HMGCLL1: variants seen among roughly 807,000 people sequenced by gnomAD.
HMGCLL1 encodes the protein 3-hydroxymethyl-3-methylglutaryl-CoA lyase, cytoplasmic.
Under a neutral mutation model 39.1 loss-of-function variants are expected in HMGCLL1, and 36 were observed. That is an observed-to-expected ratio of 0.92 (90% CI 0.71 to 1.22). The LOEUF is 1.22. Ranked by LOEUF, HMGCLL1 falls within the 50% of genes most tolerant of loss-of-function variation. The probability of loss-of-function intolerance (pLI) is 0.00; values close to 1 mark genes in which losing one functional copy is unlikely to be tolerated. For missense variants in HMGCLL1, 451 were observed against 416.5 expected, an observed-to-expected ratio of 1.08 and a Z score of -0.72; for synonymous variants, 149 against 144.0, an observed-to-expected ratio of 1.03 and a Z score of -0.25.
rs1337590397 is a variant in HMGCLL1, at chr6:55,457,415, G to A, written c.796-17856C>T. On this transcript the variant is annotated intron_variant, in intron 7 of 8. Transcript: ENST00000274901. ...CACACAGAAATGAAAGACTTGTTAA[G>A]GAGGATTTTCCCTCCCCCCACATTT... Among the ~76,000 whole-genome samples, 4 of 152,206 alleles carry A rather than the reference G, an allele frequency of 2.6e-5. 1 individual carries two copies. Among genetic ancestry groups the A allele is most frequent in the Non-Finnish European group, 2.9e-5 (2 of 67,998 alleles).
chr6:55,503,379 A>G (rs1205674406), intron 5 of HMGCLL1, among the ~76,000 whole-genome samples: 2 of 151,762 alleles, frequency 1.3e-5, no homozygotes. Flanking sequence ...TTAAAATCCC[A>G]TTACTACACT....
the HMGCLL1 span, among the ~76,000 whole-genome samples, chr6:55,604,088 C>CT: frequency 4.6e-5 from 7 of 151,936 alleles, no homozygotes; most frequent in Admixed American, 6.6e-5. Context: ...TTTTCCTTCC[C>CT]TTTTTTTTCT....
the HMGCLL1 span, among the ~76,000 whole-genome samples, chr6:55,627,829 C>G: frequency 4.8e-5 from 6 of 124,406 alleles, no homozygotes; most frequent in South Asian, 1.4e-3. Flanking sequence ...AGATTGCAGA[C>G]AGCTTATTGT....
At chr6:55,483,726 C>G (rs1361405535) in intron 7 of HMGCLL1, among the ~76,000 whole-genome samples, 1 of 152,146 alleles carries the variant, frequency 6.6e-6, no homozygotes, top group Non-Finnish European at 1.5e-5. Flanking sequence ...TACTATTTTT[C>G]AAGTAGGAAA....
chr6:55,628,806 A>AG, the HMGCLL1 span, among the ~76,000 whole-genome samples: 1 of 152,138 alleles, frequency 6.6e-6, no homozygotes, highest in Non-Finnish European at 1.5e-5. Context: ...TTTTATAAGA[A>AG]GGAGTTTCCA....
intron 5 of HMGCLL1, 109 bp from the exon 6 acceptor site, chr6:55,499,408 T>C (rs1440113965): frequency 1.4e-6 from 1 of 717,790 alleles, no homozygotes; most frequent in African/African-American, 1.8e-5. Flanking sequence ...TATTTTGCAC[T>C]ATTACTTTAT....
At chr6:55,553,319 T>A (rs2127466087) in intron 1 of HMGCLL1, among the ~76,000 whole-genome samples, 1 of 150,632 alleles carries the variant, frequency 6.6e-6, no homozygotes, top group African/African-American at 2.4e-5. Context: ...ATGCCTGTAA[T>A]CCCAGCTACT....
intron 3 of HMGCLL1, among the ~76,000 whole-genome samples, chr6:55,528,772 C>T (rs967118494): frequency 1.3e-5 from 2 of 151,854 alleles, no homozygotes; most frequent in Middle Eastern, 3.2e-3. Flanking sequence ...CCTGTACTTC[C>T]TTATTCAGCA....
chr6:55,446,491 C>A (rs1429751032), intron 7 of HMGCLL1, among the ~76,000 whole-genome samples: 1 of 151,812 alleles, frequency 6.6e-6, no homozygotes, highest in Non-Finnish European at 1.5e-5. Context: ...GAGCTCTCTG[C>A]ATATGTGCTT....
At chr6:55,621,449 A>G in the HMGCLL1 span, among the ~76,000 whole-genome samples, 1 of 152,068 alleles carries the variant, frequency 6.6e-6, no homozygotes, top group Non-Finnish European at 1.5e-5. Context: ...TGCTCACATT[A>G]CCGCCTGAGC....
chr6:55,513,849 C>A, intron 5 of HMGCLL1, 199 bp downstream of exon 5: 1 of 540,430 alleles, frequency 1.9e-6, no homozygotes, highest in Non-Finnish European at 3.2e-6. Context: ...ATGACACATT[C>A]CACAAGCTAG....
At chr6:55,557,656 A>G (rs946935333) in intron 1 of HMGCLL1, among the ~76,000 whole-genome samples, 1 of 152,104 alleles carries the variant, frequency 6.6e-6, no homozygotes, top group African/African-American at 2.4e-5. Context: ...AATGTTGGGA[A>G]TGTGAGCAGG....
rs34168815 is a variant in HMGCLL1, at chr6:55,463,029, C to CT, written c.796-23471dup. Among the ~76,000 whole-genome samples, 72 of 136,324 alleles carry CT rather than the reference C, an allele frequency of 5.3e-4. 1 individual carries two copies. Among genetic ancestry groups the CT allele is most frequent in the Admixed American group, 8.2e-4 (11 of 13,434 alleles). The allele number at this position is 136,324 out of a possible 152,430, so 89.4% of individuals were successfully genotyped here. A position where few individuals can be genotyped will look rare whatever the true frequency, so the allele number is the denominator to read the frequency against. On this transcript the variant is annotated intron_variant, in intron 7 of 8. Coordinates refer to ENST00000274901, the MANE Select transcript of HMGCLL1 (RefSeq NM_001042406.2). ...GAGTCCAATCTTTTCTTTTTTCTTT[C>CT]TTTTTTTTTTTTTTTTTCTGAGATG...
At chr6:55,637,082 A>T in the HMGCLL1 span, among the ~76,000 whole-genome samples, 3 of 152,216 alleles carry the variant, frequency 2.0e-5, no homozygotes, top group Admixed American at 6.5e-5. Flanking sequence ...ATATTCAAGG[A>T]ATTCCTTCTA....
chr6:55,478,342 G>T (rs1173961546), intron 7 of HMGCLL1, among the ~76,000 whole-genome samples: 1 of 151,192 alleles, frequency 6.6e-6, no homozygotes, highest in African/African-American at 2.4e-5. Flanking sequence ...CTTTCGAACA[G>T]AATTTGGTAA....
At chr6:55,657,855 C>G in the HMGCLL1 span, among the ~76,000 whole-genome samples, 49,292 of 151,464 alleles carry the variant, frequency 0.33, 8,211 homozygotes, top group East Asian at 0.41. Context: ...GGAACCAAAA[C>G]ATGAGAACAC....
chr6:55,483,075 ATT>A (rs1358553544), intron 7 of HMGCLL1, among the ~76,000 whole-genome samples: 2 of 152,160 alleles, frequency 1.3e-5, no homozygotes, highest in African/African-American at 4.8e-5. Context: ...ACCAAATTTC[ATT>A]TTTATACAAA....
At chr6:55,555,692 A>T (rs1770614809) in intron 1 of HMGCLL1, among the ~76,000 whole-genome samples, 1 of 152,230 alleles carries the variant, frequency 6.6e-6, no homozygotes, top group Non-Finnish European at 1.5e-5. Flanking sequence ...TGGCTTTGAA[A>T]ACTAACAAGA....
chr6:55,476,338 G>A (rs1431278162), intron 7 of HMGCLL1, among the ~76,000 whole-genome samples: 2 of 151,104 alleles, frequency 1.3e-5, no homozygotes, highest in Non-Finnish European at 1.5e-5. Flanking sequence ...AATTGGAAGT[G>A]TGTCATTTCA....
Sources: allele counts gnomAD v4.1 joint callset (sites outside exome capture counted in the v4.1 genomes callset), GRCh38; gene constraint gnomAD v4.1.1; transcripts MANE v1.5; gene names NCBI Gene and HGNC (gene_info 2026-07-23, HGNC 2026-07-21).